ABHD5: variants seen among roughly 807,000 people sequenced by gnomAD.
ABHD5 encodes abhydrolase domain containing 5, lysophosphatidic acid acyltransferase, also known as 1-acylglycerol-3-phosphate O-acyltransferase ABHD5.
A neutral mutation model predicts 44.9 loss-of-function variants in ABHD5; 30 were observed. The ratio of observed to expected loss-of-function variants is 0.67; its 90% CI spans 0.50 to 0.91. ABHD5 has a LOEUF of 0.91. Among genes scored for constraint, ABHD5 ranks in the 40% least tolerant of loss-of-function variants. The pLI, the probability that ABHD5 is intolerant of heterozygous loss-of-function variation, is 0.00. For synonymous variants in ABHD5, 167 were observed against 147.0 expected, an observed-to-expected ratio of 1.14 and a Z score of -0.99; for missense variants, 399 against 423.4, an observed-to-expected ratio of 0.94 and a Z score of 0.50.
At chr3:43,692,332 A>C (rs1575597140) in intron 1 of ABHD5, among the ~76,000 whole-genome samples, 1 of 152,338 alleles carries the variant, frequency 6.6e-6, no homozygotes, top group South Asian at 2.1e-4. Context: ...GTTGAATGTC[A>C]TGTGGACGCA....
rs554908983 is a variant in ABHD5, at chr3:43,720,098, G to C, written c.*1566G>C. Reference sequence around the variant, plus strand: ...TTGTCTCACTTGTCAGATTAACTAGGTTAGTGCAGGAAGCAACATGAGCGC... The same window carrying C: ...TTGTCTCACTTGTCAGATTAACTAGCTTAGTGCAGGAAGCAACATGAGCGC... On this transcript the variant is annotated 3_prime_UTR_variant, in exon 7 of 7. Transcript: ENST00000644371. The C allele has an allele frequency of 6.6e-6, 1 of 152,274 alleles. No individual in the cohort carries two copies. The highest frequency in any genetic ancestry group is 6.5e-5 in the Admixed American group (1 of 15,296). 9.4% of individuals were successfully genotyped at this position (152,274 alleles called of 1,614,324 possible). A position where few individuals can be genotyped will look rare whatever the true frequency, so the allele number is the denominator to read the frequency against.
In ABHD5 at chr3:43,702,586, A is replaced by T; in HGVS notation, c.505A>T (p.Arg169Trp). The T allele has an allele frequency of 6.2e-7, 1 of 1,614,200 alleles. No homozygotes were observed. The highest frequency in any genetic ancestry group is 2.2e-5 in the East Asian group (1 of 44,878). ...TGCTTACTCGCTGAAGTACCCATCA[A>T]GGTAAGTGGTGGTGACAGAAGAGAG... is the stretch of plus-strand genomic sequence containing the variant. ...AAAYSLKYPS[R>W]VNHLILVEPW... is the part of the protein sequence containing the mutation. Residue 169 changes from arginine (R) to tryptophan (W), a missense_variant and splice_region_variant, in exon 3 of 7, where the codon AGG becomes TGG. By Grantham distance (101) the Arg-to-Trp change is moderately radical. Transcript: ENST00000644371.
chr3:43,709,308 C>G (rs1369009667), intron 3 of ABHD5, among the ~76,000 whole-genome samples: 2 of 151,926 alleles, frequency 1.3e-5, no homozygotes, highest in Non-Finnish European at 2.9e-5. Context: ...CAAAAAGAAA[C>G]AAAAAGATCA....
chr3:43,717,527 T>C (rs930214211), intron 5 of ABHD5, 144 bp from the exon 6 acceptor site: 6 of 827,822 alleles, frequency 7.2e-6, no homozygotes, highest in Admixed American at 2.0e-5. Flanking sequence ...CCTTACACTG[T>C]CTCATAAATT....
At chr3:43,725,238 A>G (rs1319366010), downstream of ABHD5, among the ~76,000 whole-genome samples, 1 of 152,208 alleles carries the variant, frequency 6.6e-6, no homozygotes, top group East Asian at 1.9e-4. Context: ...GAATTAGAAT[A>G]TCTACTTCTC....
intron 7 of ABHD5, among the ~76,000 whole-genome samples, chr3:43,730,834 T>A (rs1350408370): frequency 6.7e-6 from 1 of 150,136 alleles, no homozygotes; most frequent in Non-Finnish European, 1.5e-5. Flanking sequence ...TTTTGTTTGT[T>A]TGTTTGTTTT....
chr3:43,702,326 A>C lies in ABHD5; in HGVS notation c.245A>C (p.His82Pro). 6.2e-7 allele frequency: 1 copy of C among 1,611,552 alleles called. No individual in the cohort carries two copies. Among genetic ancestry groups the C allele is most frequent in the Admixed American group, 1.7e-5 (1 of 59,940 alleles). The change falls in exon 3 of 7, where the codon CAT (histidine) becomes CCT (proline). Residue 82 changes from histidine (H) to proline (P), a missense_variant. Coordinates refer to ENST00000644371, the MANE Select transcript of ABHD5 (RefSeq NM_016006.6). ...ISNKTPLVLL[H>P]GFGGGLGLWA... ...AATAAGACTCCACTTGTCCTTCTCC[A>C]TGGTTTTGGAGGAGGTCTTGGGCTC...
downstream of ABHD5, among the ~76,000 whole-genome samples, chr3:43,727,717 T>C (rs796956895): frequency 2.6e-5 from 4 of 152,336 alleles, no homozygotes; most frequent in African/African-American, 9.6e-5. Flanking sequence ...CAAGCAGTTC[T>C]CCTGCTTCCG....
chr3:43,694,878 T>C (rs1409090233), intron 1 of ABHD5: 1 of 152,204 alleles, frequency 6.6e-6, no homozygotes. Flanking sequence ...GAGACCATAT[T>C]CTTTTTTTTT....
At chr3:43,698,681 A>G (rs1575599696) in intron 1 of ABHD5, among the ~76,000 whole-genome samples, 2 of 152,294 alleles carry the variant, frequency 1.3e-5, no homozygotes, top group South Asian at 4.1e-4. Context: ...CTGAAACCCA[A>G]AGCTTTTTTG....
chr3:43,692,826 G>C (rs1202357270), intron 1 of ABHD5, among the ~76,000 whole-genome samples: 2 of 152,166 alleles, frequency 1.3e-5, no homozygotes, highest in Non-Finnish European at 2.9e-5. Flanking sequence ...CCTGTCACTG[G>C]AATTGGGACT....
Position 43,719,766 on chromosome 3 carries a change from A to G in ABHD5, c.*1234A>G, listed in dbSNP as rs1345465656. 1 of 152,206 alleles carries G rather than the reference A, an allele frequency of 6.6e-6. No homozygotes were observed. The highest frequency in any genetic ancestry group is 1.5e-5 in the Non-Finnish European group (1 of 68,034). 9.4% of individuals were successfully genotyped at this position (152,206 alleles called of 1,614,324 possible). On this transcript the variant is annotated 3_prime_UTR_variant, in exon 7 of 7. Coordinates refer to ENST00000644371, the MANE Select transcript of ABHD5 (RefSeq NM_016006.6). The stretch of plus-strand genomic sequence containing the variant: ...TGGCTGCTGAGAAAACCCTTCACCA[A>G]AAAAATAAATAAAAATTGAATAGGA...
intron 2 of ABHD5, among the ~76,000 whole-genome samples, chr3:43,701,680 T>C (rs1481657650): frequency 3.3e-5 from 5 of 152,194 alleles, no homozygotes; most frequent in African/African-American, 2.4e-5. Flanking sequence ...TTTTTTGAAA[T>C]GACTTAAGGT....
intron 2 of ABHD5, among the ~76,000 whole-genome samples, chr3:43,701,285 A>G (rs1275182034): frequency 6.6e-6 from 1 of 152,202 alleles, no homozygotes; most frequent in Non-Finnish European, 1.5e-5. Flanking sequence ...CTTGTGCTCC[A>G]TTAATATTCT....
downstream of ABHD5, among the ~76,000 whole-genome samples, chr3:43,726,424 A>G (rs1325956051): frequency 1.3e-5 from 2 of 152,166 alleles, no homozygotes; most frequent in Admixed American, 1.3e-4. Context: ...AAAAGATGGC[A>G]GAGGAGGGAA....
intron 3 of ABHD5, among the ~76,000 whole-genome samples, chr3:43,704,036 T>TC (rs1478362095): frequency 7.1e-5 from 9 of 126,964 alleles, no homozygotes; most frequent in East Asian, 6.5e-4. Context: ...TTATTTTCTT[T>TC]TTTTTTTTTT....
At chr3:43,696,956 G>A (rs189333659) in intron 1 of ABHD5, among the ~76,000 whole-genome samples, 3 of 152,294 alleles carry the variant, frequency 2.0e-5, no homozygotes, top group Middle Eastern at 3.4e-3. Flanking sequence ...CCTGAAGAGA[G>A]TTGGTGCCTC....
In ABHD5 at chr3:43,707,212, G is replaced by A. The variant is rs2084632494; in HGVS notation, c.507-4497G>A. ...ATATTTGTTATAAACTACGGAAAAG[G>A]AGATTATAGAAACTTTAACTTAGAA... On this transcript the variant is annotated intron_variant, in intron 3 of 6. Coordinates refer to ENST00000644371, the MANE Select transcript of ABHD5 (RefSeq NM_016006.6). Among the ~76,000 whole-genome samples the A allele has an allele frequency of 2.0e-5, 3 of 152,110 alleles. No individual in the cohort carries two copies. The South Asian group carries it at 6.2e-4, about 31-fold the overall frequency.
At chr3:43,705,872 CTT>C (rs1378081734) in intron 3 of ABHD5, among the ~76,000 whole-genome samples, 1 of 152,100 alleles carries the variant, frequency 6.6e-6, no homozygotes, top group Non-Finnish European at 1.5e-5. Context: ...TATTTGTTAA[CTT>C]TTTATTAAAA....
Sources: gnomAD v4.1 joint callset for allele counts (sites outside exome capture counted in the v4.1 genomes callset) on GRCh38, gnomAD v4.1.1 for gene constraint, MANE v1.5 for transcripts, NCBI Gene and HGNC (gene_info 2026-07-23, HGNC 2026-07-21) for gene names.